CIMAP2: variants seen among roughly 807,000 people sequenced by gnomAD.
CIMAP2 encodes the protein ciliary microtubule associated protein 2.
At chr1:54,824,302 A>G in the CIMAP2 span, among the ~76,000 whole-genome samples, 1 of 152,196 alleles carries the variant, frequency 6.6e-6, no homozygotes, top group Non-Finnish European at 1.5e-5. Context: ...TGCTGCGATT[A>G]CAGGTGTGAG....
chr1:54,811,766 C>CGGGGGGGGGGGGGCGCG, the CIMAP2 span: 1 of 1,305,190 alleles, frequency 7.7e-7, no homozygotes, highest in Non-Finnish European at 1.1e-6. Context: ...GTTCTGACAG[C>CGGGGGGGGGGGGGCGCG]CTCCATGCCC....
At chr1:54,808,314 C>A in the CIMAP2 span, among the ~76,000 whole-genome samples, 1 of 152,100 alleles carries the variant, frequency 6.6e-6, no homozygotes, top group Admixed American at 6.5e-5. Context: ...GATGGTGGTG[C>A]AATTGATAGA....
At chr1:54,820,908 A>C in the CIMAP2 span, among the ~76,000 whole-genome samples, 1 of 152,112 alleles carries the variant, frequency 6.6e-6, no homozygotes, top group South Asian at 2.1e-4. Flanking sequence ...AGCTGGGATT[A>C]CAGGTGTACA....
At chr1:54,814,180 T>C in the CIMAP2 span, among the ~76,000 whole-genome samples, 24,918 of 152,042 alleles carry the variant, frequency 0.16, 2,437 homozygotes, top group East Asian at 0.35. Flanking sequence ...ATGAAGATGG[T>C]GAAGTGGTTG....
chr1:54,820,337 G>A, the CIMAP2 span, among the ~76,000 whole-genome samples: 1 of 151,642 alleles, frequency 6.6e-6, no homozygotes, highest in African/African-American at 2.4e-5. Context: ...CTGGCTAATT[G>A]AAAAAGTTTT....
At chr1:54,807,872 C>T in the CIMAP2 span, 126 of 1,558,010 alleles carry the variant, frequency 8.1e-5, 1 homozygote, top group Non-Finnish European at 6.0e-5. Flanking sequence ...TTCATTTTCT[C>T]TCTTCTCTTG....
the CIMAP2 span, among the ~76,000 whole-genome samples, chr1:54,840,591 C>T: frequency 6.6e-6 from 1 of 152,206 alleles, no homozygotes; most frequent in Non-Finnish European, 1.5e-5. Flanking sequence ...CCATTTTGCA[C>T]TCCCACCAGC....
chr1:54,819,947 C>T, the CIMAP2 span, among the ~76,000 whole-genome samples: 1 of 99,662 alleles, frequency 1.0e-5, no homozygotes, highest in Non-Finnish European at 1.8e-5. Context: ...TTCTTTCTGT[C>T]CTTCTTTCTT....
the CIMAP2 span, chr1:54,816,861 T>C: frequency 7.7e-7 from 1 of 1,293,914 alleles, no homozygotes; most frequent in Non-Finnish European, 1.1e-6. Flanking sequence ...CCTCAACATA[T>C]CTTTTTGGGA....
At chr1:54,828,462 G>C in the CIMAP2 span, among the ~76,000 whole-genome samples, 1 of 152,056 alleles carries the variant, frequency 6.6e-6, no homozygotes, top group Non-Finnish European at 1.5e-5. Context: ...TTCCTGAGTA[G>C]CTGGGACTAC....
chr1:54,811,765 G>GCCGGCGGGCCCGCCCCCCCCCC, the CIMAP2 span: 1 of 1,301,332 alleles, frequency 7.7e-7, no homozygotes, highest in Non-Finnish European at 1.1e-6. Flanking sequence ...GGTTCTGACA[G>GCCGGCGGGCCCGCCCCCCCCCC]CCTCCATGCC....
chr1:54,818,376 T>TC, the CIMAP2 span, among the ~76,000 whole-genome samples: 8 of 150,868 alleles, frequency 5.3e-5, no homozygotes, highest in Admixed American at 1.3e-4. Context: ...TCTAGTTTTC[T>TC]TTTTTTTTCT....
chr1:54,806,603 T>C, the CIMAP2 span, among the ~76,000 whole-genome samples: 2 of 151,664 alleles, frequency 1.3e-5, no homozygotes, highest in Non-Finnish European at 2.9e-5. Context: ...CTCTGTCTCT[T>C]TCTCTCTCTC....
chr1:54,811,765 G>GCCGGGGGGGGCGGCCCCCCCCC, the CIMAP2 span: 1 of 1,301,332 alleles, frequency 7.7e-7, no homozygotes, highest in Non-Finnish European at 1.1e-6. Flanking sequence ...GGTTCTGACA[G>GCCGGGGGGGGCGGCCCCCCCCC]CCTCCATGCC....
At chr1:54,811,765 G>GCCGGGGGGGGGGGGGGCCCCCCCCC in the CIMAP2 span, 24 of 1,301,280 alleles carry the variant, frequency 1.8e-5, no homozygotes, top group East Asian at 9.9e-5. Flanking sequence ...GGTTCTGACA[G>GCCGGGGGGGGGGGGGGCCCCCCCCC]CCTCCATGCC....
At chr1:54,818,445 T>C in the CIMAP2 span, among the ~76,000 whole-genome samples, 1 of 152,104 alleles carries the variant, frequency 6.6e-6, no homozygotes. Flanking sequence ...CTGGTAAAAT[T>C]TTCTTGTCCT....
the CIMAP2 span, chr1:54,806,168 T>C: frequency 3.2e-6 from 5 of 1,552,340 alleles, no homozygotes; most frequent in South Asian, 2.4e-5. Context: ...CCGCGTCGGC[T>C]CCACGGCCAC....
chr1:54,826,954 G>T, the CIMAP2 span, among the ~76,000 whole-genome samples: 3 of 152,214 alleles, frequency 2.0e-5, no homozygotes, highest in African/African-American at 7.2e-5. Flanking sequence ...CCTCCTATTT[G>T]TCTGTTTTTA....
At chr1:54,831,347 A>C in the CIMAP2 span, among the ~76,000 whole-genome samples, 348 of 152,286 alleles carry the variant, frequency 2.3e-3, 1 homozygote, top group Non-Finnish European at 3.6e-3. Flanking sequence ...ATGAATTAAC[A>C]TGGAGAGCTT....
Sources: gnomAD v4.1 joint callset for allele counts (sites outside exome capture counted in the v4.1 genomes callset) on GRCh38, gnomAD v4.1.1 for gene constraint, MANE v1.5 for transcripts, NCBI Gene and HGNC (gene_info 2026-07-23, HGNC 2026-07-21) for gene names.